ARHGAP21: variants seen among roughly 807,000 people sequenced by gnomAD.
ARHGAP21 encodes Rho GTPase activating protein 21.
In ARHGAP21, 38 loss-of-function variants were observed where a neutral mutation model predicts 164.6. That is an observed-to-expected ratio of 0.23 (90% CI 0.18 to 0.30). The LOEUF (loss-of-function observed/expected upper bound fraction) is 0.30. Among genes scored for constraint, ARHGAP21 ranks in the 10% least tolerant of loss-of-function variants. The probability of loss-of-function intolerance (pLI) is 1.00; values close to 1 mark genes in which losing one functional copy is unlikely to be tolerated. For synonymous variants in ARHGAP21, 766 were observed against 857.9 expected (o/e 0.89, Z 1.87); for missense variants, 1,822 against 2,370.7 (o/e 0.77, Z 4.81).
At chr10:24,715,037 AAAAG>A (rs1488327052) in intron 2 of ARHGAP21, among the ~76,000 whole-genome samples, 53 of 151,614 alleles carry the variant, frequency 3.5e-4, no homozygotes, top group African/African-American at 9.4e-4. Flanking sequence ...CTCAAAAAAA[AAAAG>A]AAAAGAAAAG....
chr10:24,600,967 T>G, intron 13 of ARHGAP21, 37 bp from the exon 14 acceptor site: 4 of 1,590,674 alleles, frequency 2.5e-6, no homozygotes, highest in Non-Finnish European at 3.4e-6. Flanking sequence ...TAGTCAATAT[T>G]TGGCTAAATC....
chr10:24,595,833 C>A, intron 18 of ARHGAP21, 38 bp from the exon 19 acceptor site: 1 of 1,600,160 alleles, frequency 6.2e-7, no homozygotes, highest in African/African-American at 1.4e-5. Flanking sequence ...TTTTCATATC[C>A]AGTTCCACCA....
rs551350757 is a variant in ARHGAP21, at chr10:24,664,518, T to C, written c.268+2467A>G. ...TGGCATTGAGCCGAGATCATGCCAC[T>C]GCACTTCAGCCTGTCAACAGAGTGA... On this transcript the variant is annotated intron_variant, in intron 4 of 25. Transcript: ENST00000396432. Among the ~76,000 whole-genome samples the C allele has an allele frequency of 1.1e-3, 162 of 150,600 alleles. 4 individuals are homozygous for C. In the South Asian group the frequency reaches 0.032, roughly 29 times the overall value.
intron 2 of ARHGAP21, among the ~76,000 whole-genome samples, chr10:24,690,502 C>G (rs564511803): frequency 2.0e-5 from 3 of 152,148 alleles, no homozygotes; most frequent in Non-Finnish European, 4.4e-5. Flanking sequence ...TGGCATATAA[C>G]ATGCTATTCT....
chr10:24,679,315 A>G (rs1277280065), intron 2 of ARHGAP21, among the ~76,000 whole-genome samples: 1 of 152,220 alleles, frequency 6.6e-6, no homozygotes, highest in Non-Finnish European at 1.5e-5. Context: ...TAGGCCGCAC[A>G]TTCTTGATTA....
intron 4 of ARHGAP21, among the ~76,000 whole-genome samples, chr10:24,635,837 G>A (rs1593114488): frequency 6.6e-6 from 1 of 152,186 alleles, no homozygotes; most frequent in South Asian, 2.1e-4. Context: ...GAGCCACCGT[G>A]CCCAGCCTCT....
chr10:24,642,270 C>T (rs1837117255), intron 4 of ARHGAP21, among the ~76,000 whole-genome samples: 1 of 151,990 alleles, frequency 6.6e-6, no homozygotes, highest in African/African-American at 2.4e-5. Flanking sequence ...AATCCCAGCA[C>T]TTTGGGAGGC....
intron 4 of ARHGAP21, among the ~76,000 whole-genome samples, chr10:24,657,086 C>G (rs1372301523): frequency 8.6e-4 from 43 of 49,806 alleles, no homozygotes; most frequent in African/African-American, 3.8e-3. Context: ...GTCAGCCCCC[C>G]GCCCGGCCAG....
chr10:24,608,037 C>T, intron 9 of ARHGAP21, 134 bp from the exon 10 acceptor site: 2 of 692,276 alleles, frequency 2.9e-6, no homozygotes, highest in Non-Finnish European at 2.2e-6. Context: ...CACTAAATGA[C>T]CTATTCAGTC....
chr10:24,698,327 A>T (rs1221051687), intron 2 of ARHGAP21, among the ~76,000 whole-genome samples: 2 of 152,194 alleles, frequency 1.3e-5, no homozygotes, highest in Non-Finnish European at 2.9e-5. Context: ...TTATAACATA[A>T]GAAAACTAAA....
intron 4 of ARHGAP21, among the ~76,000 whole-genome samples, chr10:24,665,000 T>A (rs1565126150): frequency 6.6e-6 from 1 of 152,016 alleles, no homozygotes; most frequent in East Asian, 1.9e-4. Context: ...AGAAATATAT[T>A]CCCCCCCATA....
At chr10:24,612,963 T>TA in intron 9 of ARHGAP21, among the ~76,000 whole-genome samples, 1 of 152,218 alleles carries the variant, frequency 6.6e-6, no homozygotes, top group South Asian at 2.1e-4. Flanking sequence ...GGTGAACGGC[T>TA]AAAGTTAAAT....
intron 7 of ARHGAP21, among the ~76,000 whole-genome samples, chr10:24,626,380 G>A (rs1020077006): frequency 6.6e-6 from 1 of 152,128 alleles, no homozygotes; most frequent in Admixed American, 6.5e-5. Context: ...GGGGCCTCTG[G>A]GAGATGATTA....
chr10:24,648,981 G>T, intron 4 of ARHGAP21: 1 of 457,150 alleles, frequency 2.2e-6, no homozygotes, highest in Non-Finnish European at 2.9e-6. Flanking sequence ...CTTGTTACTA[G>T]CTACATATAG....
chr10:24,596,827 G>A lies in ARHGAP21; in HGVS notation c.3390C>T (p.Ile1130=), dbSNP rs2076603481. 3.7e-6 allele frequency: 6 copies of A among 1,611,490 alleles called. No homozygotes were observed. The highest frequency in any genetic ancestry group is 1.1e-5 in the South Asian group (1 of 90,794). The change falls in exon 17 of 26, where the codon ATC becomes ATT. Residue 1130 remains isoleucine (I), a synonymous_variant. Transcript: ENST00000396432. ...KGTWRKGIPS[I]MRKTFEKKPT... Reference sequence around the variant, plus strand: ...GCTTTTTCTCAAATGTCTTTCTCATGATACTTGGAATGCCTTTTCTCCATG... The same window carrying A: ...GCTTTTTCTCAAATGTCTTTCTCATAATACTTGGAATGCCTTTTCTCCATG...
intron 2 of ARHGAP21, among the ~76,000 whole-genome samples, chr10:24,683,095 C>CAA (rs200968718): frequency 1.8e-4 from 16 of 88,958 alleles, no homozygotes; most frequent in Non-Finnish European, 2.7e-4. Flanking sequence ...AACTCCATCT[C>CAA]AAAAAAAAAA....
At chr10:24,633,275 T>C (rs148730895) in intron 6 of ARHGAP21, 127 bp downstream of exon 6, 1 of 666,936 alleles carries the variant, frequency 1.5e-6, no homozygotes, top group East Asian at 3.0e-5. Context: ...ATGCATTATA[T>C]CTAAGGGAAA....
At chr10:24,634,090 T>C (rs764550220) in intron 5 of ARHGAP21, among the ~76,000 whole-genome samples, 14 of 151,950 alleles carry the variant, frequency 9.2e-5, no homozygotes, top group Non-Finnish European at 1.8e-4. Flanking sequence ...ACTTTTTGTG[T>C]GCTTATCACA....
At chr10:24,684,787 C>T (rs1055258797) in intron 2 of ARHGAP21, among the ~76,000 whole-genome samples, 7 of 152,162 alleles carry the variant, frequency 4.6e-5, no homozygotes, top group Admixed American at 6.5e-5. Flanking sequence ...TACAGGCGCC[C>T]GCCATCTTGC....
Sources: allele counts gnomAD v4.1 joint callset (sites outside exome capture counted in the v4.1 genomes callset), GRCh38; gene constraint gnomAD v4.1.1; transcripts MANE v1.5; gene names NCBI Gene and HGNC (gene_info 2026-07-23, HGNC 2026-07-21).